Variants in USP34 observed in about 807,000 individuals in gnomAD.
USP34 encodes ubiquitin carboxyl-terminal hydrolase 34.
A neutral mutation model predicts 460.3 loss-of-function variants in USP34; 70 were observed. The observed-to-expected ratio is 0.15, with a 90% CI of 0.13 to 0.19. The LOEUF (loss-of-function observed/expected upper bound fraction) is 0.19, where lower values mean the gene tolerates loss of function less well. Ranked by LOEUF, USP34 falls within the 10% of genes least tolerant of loss-of-function variation. The pLI, the probability that USP34 is intolerant of heterozygous loss-of-function variation, is 1.00. For missense variants in USP34, 3,985 were observed against 4,236.2 expected (o/e 0.94, Z 1.65); for synonymous variants, 1,647 against 1,405.3 (o/e 1.17, Z -3.85).
chr2:61,378,468 T>C (rs1243210696), intron 7 of USP34, 44 bp from the exon 8 acceptor site: 1 of 1,349,558 alleles, frequency 7.4e-7, no homozygotes, highest in Non-Finnish European at 1.0e-6. Context: ...TTTCCAAAAT[T>C]ATTCTTGCAT....
At chr2:61,273,643 G>C (rs1689285133) in intron 41 of USP34, among the ~76,000 whole-genome samples, 1 of 152,120 alleles carries the variant, frequency 6.6e-6, no homozygotes, top group African/African-American at 2.4e-5. Flanking sequence ...GCTTGAACCT[G>C]GAGGGCAGAG....
intron 2 of USP34, among the ~76,000 whole-genome samples, chr2:61,406,880 G>A (rs1386695140): frequency 2.6e-5 from 4 of 151,690 alleles, no homozygotes; most frequent in Non-Finnish European, 5.9e-5. Context: ...TATGGTGGTG[G>A]GCACCTGTAA....
intron 76 of USP34, among the ~76,000 whole-genome samples, 157 bp downstream of exon 76, chr2:61,192,744 A>G (rs1686679710): frequency 6.6e-6 from 1 of 152,260 alleles, no homozygotes. Context: ...GATGCCTAAT[A>G]TGTAATAGCT....
intron 10 of USP34, among the ~76,000 whole-genome samples, chr2:61,363,799 C>T (rs957866384): frequency 1.3e-5 from 2 of 152,086 alleles, no homozygotes; most frequent in African/African-American, 4.8e-5. Flanking sequence ...AAGGTGGAAA[C>T]AACCCAAATG....
At chr2:61,287,720 A>C (rs567107359) in intron 34 of USP34, among the ~76,000 whole-genome samples, 1 of 152,246 alleles carries the variant, frequency 6.6e-6, no homozygotes, top group Non-Finnish European at 1.5e-5. Context: ...TAGTATTAAC[A>C]TACAAAATAT....
At position 61,314,948 on chromosome 2, in the gene USP34, G is replaced by A. The variant is rs746243289; in HGVS notation, c.3309C>T (p.Gly1103=). ...CACCAGATTGTGCTCTTAAAGCAAT[G>A]CCCCAAAATTGGTCCATACCACACA... ...SELCGMDQFW[G]IALRAQSGDV... The change falls in exon 24 of 80, where the codon GGC becomes GGT. Residue 1103 remains glycine, a synonymous_variant. Coordinates refer to ENST00000398571, the MANE Select transcript of USP34 (RefSeq NM_014709.4). 2.5e-6 allele frequency: 4 copies of A among 1,613,666 alleles called. No individual in the cohort carries two copies. The highest frequency in any genetic ancestry group is 1.1e-5 in the South Asian group (1 of 91,030).
intron 58 of USP34, 64 bp downstream of exon 58, chr2:61,232,387 GA>G: frequency 7.6e-7 from 1 of 1,309,446 alleles, no homozygotes. Context: ...TAAGCAAATT[GA>G]GAATAATTAA....
At chr2:61,277,557 C>T (rs1316317304) in intron 41 of USP34, 2 of 152,364 alleles carry the variant, frequency 1.3e-5, no homozygotes, top group Non-Finnish European at 2.9e-5. Context: ...TTTCTATATT[C>T]AGTCAGTCAC....
chr2:61,378,567 A>G, intron 7 of USP34, 143 bp from the exon 8 acceptor site: 1 of 516,820 alleles, frequency 1.9e-6, no homozygotes, highest in Non-Finnish European at 3.4e-6. Flanking sequence ...ACATAATCAG[A>G]GACACACGCT....
At chr2:61,242,458 T>TAC (rs67471702) in intron 51 of USP34, among the ~76,000 whole-genome samples, 25,136 of 129,370 alleles carry the variant, frequency 0.19, 2,335 homozygotes, top group Middle Eastern at 0.25. Context: ...AGATAATACA[T>TAC]ACACACACAC....
At chr2:61,388,157 C>T (rs1008932775) in intron 5 of USP34, among the ~76,000 whole-genome samples, 8 of 151,890 alleles carry the variant, frequency 5.3e-5, no homozygotes, top group African/African-American at 1.9e-4. Context: ...GTGGGAAGAT[C>T]GCCTGAGCCC....
intron 57 of USP34, among the ~76,000 whole-genome samples, chr2:61,232,870 CTT>C (rs1198998742): frequency 3.5e-5 from 3 of 86,762 alleles, no homozygotes; most frequent in African/African-American, 4.4e-5. Context: ...TCCCCCCCCC[CTT>C]TTTTTTTTTT....
Position 61,229,472 on chromosome 2 carries a change from AAAACAAAAAAAAAAAAC to A in USP34, c.7199+59_7199+75del, listed in dbSNP as rs1687826684. On this transcript the variant is annotated intron_variant, in intron 59 of 79. Transcript: ENST00000398571. ...CCCTATCTCTTAAAAAAAAAAAAAA[AAAACAAAAAAAAAAAAC>A]AAAAACACCACACACACACAACACA... 2.5e-4 allele frequency: 177 copies of A among 694,454 alleles called. 1 individual carries two copies. The highest frequency in any genetic ancestry group is 1.2e-3 in the South Asian group (34 of 28,042). 43.0% of individuals were successfully genotyped at this position (694,454 alleles called of 1,614,324 possible).
chr2:61,390,931 C>T (rs907040278), intron 5 of USP34, among the ~76,000 whole-genome samples: 9 of 151,786 alleles, frequency 5.9e-5, no homozygotes, highest in African/African-American at 2.2e-4. Context: ...CCCATCTCTA[C>T]TAAAAATACA....
intron 20 of USP34, among the ~76,000 whole-genome samples, chr2:61,329,722 T>C (rs1235095458): frequency 6.6e-6 from 1 of 152,244 alleles, no homozygotes; most frequent in Non-Finnish European, 1.5e-5. Context: ...TTATTTGTTT[T>C]AACCAGGTAA....
At chr2:61,239,796 C>G (rs1319074528) in intron 53 of USP34, among the ~76,000 whole-genome samples, 1 of 152,044 alleles carries the variant, frequency 6.6e-6, no homozygotes, top group African/African-American at 2.4e-5. Context: ...ATCAGGAGGT[C>G]AAGAGATTGA....
Position 61,281,190 on chromosome 2 carries a change from C to A in USP34, c.5051G>T (p.Gly1684Val), listed in dbSNP as rs750987063. The part of the protein sequence containing the change: ...CSGLYKLSLS[G>V]LDGGDSINRS... ...ATTGATTGAGTCTCCTCCATCCAGCCCTGACAGGGATAACTTATAGAGACC... is the reference window on the plus strand; with the variant it reads ...ATTGATTGAGTCTCCTCCATCCAGCACTGACAGGGATAACTTATAGAGACC... The change falls in exon 38 of 80, where the codon GGG becomes GTG. Residue 1684 changes from glycine to valine, a missense_variant. By Grantham distance (109) the Gly-to-Val change is moderately radical. Transcript: ENST00000398571. 2 of 1,613,994 alleles carry A rather than the reference C, an allele frequency of 1.2e-6. No homozygotes were observed. The highest frequency in any genetic ancestry group is 2.2e-5 in the South Asian group (2 of 91,056).
chr2:61,321,970 T>C (rs1690936806), intron 21 of USP34, among the ~76,000 whole-genome samples: 2 of 152,238 alleles, frequency 1.3e-5, no homozygotes, highest in Non-Finnish European at 2.9e-5. Flanking sequence ...GGCTCACACC[T>C]GTAATCCCAT....
chr2:61,442,082 A>T (rs1694982527), intron 1 of USP34, among the ~76,000 whole-genome samples: 3 of 152,152 alleles, frequency 2.0e-5, no homozygotes. Flanking sequence ...AGGCACAACA[A>T]TGAAACTATA....
Sources: allele counts gnomAD v4.1 joint callset (sites outside exome capture counted in the v4.1 genomes callset), GRCh38; gene constraint gnomAD v4.1.1; transcripts MANE v1.5; gene names NCBI Gene and HGNC (gene_info 2026-07-23, HGNC 2026-07-21).